FA2H: variants seen among roughly 807,000 people sequenced by gnomAD.
FA2H encodes the protein fatty acid alpha-hydroxylase.
In FA2H, 22 loss-of-function variants were observed where a neutral mutation model predicts 44.9. The observed-to-expected ratio is 0.49, with a 90% confidence interval of 0.35 to 0.70. The LOEUF (loss-of-function observed/expected upper bound fraction) is 0.70. Among genes scored for constraint, FA2H ranks in the 30% least tolerant of loss-of-function variants. The pLI, the probability that FA2H is intolerant of heterozygous loss-of-function variation, is 0.01. For synonymous variants in FA2H, 243 were observed against 213.2 expected (o/e 1.14, Z -1.22); for missense variants, 501 against 504.9 (o/e 0.99, Z 0.07).
At chr16:74,769,314 C>T (rs1196958442) in intron 1 of FA2H, among the ~76,000 whole-genome samples, 1 of 152,074 alleles carries the variant, frequency 6.6e-6, no homozygotes, top group Non-Finnish European at 1.5e-5. Context: ...CCAGGCTGGT[C>T]TCAAACTCCT....
At chr16:74,761,655 C>T (rs975405781) in intron 1 of FA2H, among the ~76,000 whole-genome samples, 1 of 152,182 alleles carries the variant, frequency 6.6e-6, no homozygotes, top group Admixed American at 6.5e-5. Context: ...GGCCCTTGCT[C>T]AAATACTGAC....
At chr16:74,752,421 C>T (rs1962543729) in intron 1 of FA2H, among the ~76,000 whole-genome samples, 1 of 152,166 alleles carries the variant, frequency 6.6e-6, no homozygotes, top group Non-Finnish European at 1.5e-5. Context: ...CCCCACCAGA[C>T]TCCATCCCTC....
intron 1 of FA2H, among the ~76,000 whole-genome samples, chr16:74,764,726 T>TAA (rs202030097): frequency 1.9e-4 from 27 of 144,372 alleles, no homozygotes; most frequent in African/African-American, 5.3e-4. Flanking sequence ...CTTAGAAGTT[T>TAA]AAAAAAAAAA....
At chr16:74,714,307 G>A (rs776138383) in intron 6 of FA2H, 38 bp from the exon 7 acceptor site, 13 of 1,349,324 alleles carry the variant, frequency 9.6e-6, no homozygotes, top group African/African-American at 1.4e-5. Flanking sequence ...ATGAGGCATT[G>A]AAGGAGCAGG....
At chr16:74,718,166 G>A (rs1045949459) in intron 5 of FA2H, among the ~76,000 whole-genome samples, 1 of 152,164 alleles carries the variant, frequency 6.6e-6, no homozygotes, top group Non-Finnish European at 1.5e-5. Flanking sequence ...GAGATGAACC[G>A]GATTAAGTTG....
chr16:74,727,565 C>T (rs1961985958), intron 2 of FA2H, among the ~76,000 whole-genome samples, 179 bp from the exon 3 acceptor site: 2 of 152,232 alleles, frequency 1.3e-5, no homozygotes, highest in South Asian at 4.1e-4. Flanking sequence ...ATCCCAGCCC[C>T]CAGCCACAGC....
At chr16:74,746,981 G>C (rs1962435892) in intron 1 of FA2H, among the ~76,000 whole-genome samples, 1 of 152,086 alleles carries the variant, frequency 6.6e-6, no homozygotes, top group Non-Finnish European at 1.5e-5. Context: ...GGTTGGACCT[G>C]GTTTTTCCCG....
At chr16:74,715,557 G>A (rs1265105278) in intron 6 of FA2H, among the ~76,000 whole-genome samples, 1 of 152,186 alleles carries the variant, frequency 6.6e-6, no homozygotes, top group Non-Finnish European at 1.5e-5. Flanking sequence ...CTCCTATAGT[G>A]CTGGGATTAT....
intron 1 of FA2H, among the ~76,000 whole-genome samples, chr16:74,745,216 G>A (rs1962396143): frequency 6.6e-6 from 1 of 152,160 alleles, no homozygotes; most frequent in African/African-American, 2.4e-5. Flanking sequence ...GGGGCACCTG[G>A]CTCTCCTGAT....
chr16:74,737,338 C>T (rs1962202003), intron 2 of FA2H, among the ~76,000 whole-genome samples: 1 of 152,194 alleles, frequency 6.6e-6, no homozygotes, highest in African/African-American at 2.4e-5. Flanking sequence ...AATCCACAAC[C>T]TGGCTTCTTG....
At chr16:74,722,842 C>G (rs1961869440) in intron 4 of FA2H, among the ~76,000 whole-genome samples, 1 of 145,066 alleles carries the variant, frequency 6.9e-6, no homozygotes, top group African/African-American at 2.6e-5. Context: ...ACCCGAGAGG[C>G]AGAGGTTGTG....
At chr16:74,742,963 T>C (rs1346509087) in intron 1 of FA2H, among the ~76,000 whole-genome samples, 3 of 152,202 alleles carry the variant, frequency 2.0e-5, no homozygotes, top group East Asian at 1.9e-4. Context: ...AGGAAGGCAG[T>C]TGGCAACTTT....
At position 74,745,799 on chromosome 16, in the gene FA2H, ATTTTTTTT is replaced by A. The variant is rs11365398; in HGVS notation, c.271-5692_271-5685del. ...GATGGTATCGAGTCACTGTCAATGG[ATTTTTTTT>A]TTTTTTTTTTTTTTTTGAGACAGAG... On this transcript the variant is annotated intron_variant, in intron 1 of 6. Transcript: ENST00000219368. Among the ~76,000 whole-genome samples the A allele has an allele frequency of 3.0e-3, 218 of 72,466 alleles. 2 individuals carry two copies. The highest frequency in any genetic ancestry group is 0.01 in the African/African-American group (205 of 19,974). 47.5% of individuals were successfully genotyped at this position (72,466 alleles called of 152,430 possible).
chr16:74,752,463 C>A (rs917815861), intron 1 of FA2H, among the ~76,000 whole-genome samples: 9 of 152,182 alleles, frequency 5.9e-5, no homozygotes, highest in Admixed American at 5.9e-4. Flanking sequence ...AGTCTCCTCT[C>A]GGTCCTGTCA....
At chr16:74,742,189 G>A (rs536819504) in intron 1 of FA2H, among the ~76,000 whole-genome samples, 12 of 152,292 alleles carry the variant, frequency 7.9e-5, no homozygotes, top group South Asian at 2.1e-4. Context: ...AGCAGCCAAC[G>A]TCTTCCAAGA....
intron 1 of FA2H, among the ~76,000 whole-genome samples, chr16:74,766,316 A>C (rs934475989): frequency 2.4e-4 from 36 of 152,148 alleles, no homozygotes; most frequent in Admixed American, 1.4e-3. Flanking sequence ...AATAAAAAAA[A>C]AAAAAAGTTA....
At chr16:74,719,226 C>G (rs1961778187) in intron 4 of FA2H, 66 bp from the exon 5 acceptor site, 2 of 1,438,504 alleles carry the variant, frequency 1.4e-6, no homozygotes, top group African/African-American at 1.4e-5. Flanking sequence ...CCAGGTGTCC[C>G]TGCCTCACCA....
chr16:74,727,275 C>G lies in FA2H; in HGVS notation c.475G>C (p.Asp159His). 1 of 1,614,146 alleles carries G rather than the reference C, an allele frequency of 6.2e-7. No individual in the cohort carries two copies. The highest frequency in any genetic ancestry group is 8.5e-7 in the Non-Finnish European group (1 of 1,180,022). ...VTRPIRLFHS[D>H]LIEGLSKTVW... Reference sequence around the variant, plus strand: ...GTCTTAGAGAGGCCCTCAATGAGGTCTGAGTGGAAGAGGCGGATGGGCCTG... The same window carrying G: ...GTCTTAGAGAGGCCCTCAATGAGGTGTGAGTGGAAGAGGCGGATGGGCCTG... Residue 159 changes from aspartate to histidine, a missense_variant, in exon 3 of 7, where the codon GAC becomes CAC. Asp to His is a moderately conservative substitution (Grantham distance 81, BLOSUM62 -1). Transcript: ENST00000219368.
intron 3 of FA2H, among the ~76,000 whole-genome samples, chr16:74,727,030 T>G (rs1961973922): frequency 6.6e-6 from 1 of 152,212 alleles, no homozygotes; most frequent in African/African-American, 2.4e-5. Context: ...GCATTCAATG[T>G]AGTTTCTGGC....
Sources: gnomAD v4.1 joint callset for allele counts (sites outside exome capture counted in the v4.1 genomes callset) on GRCh38, gnomAD v4.1.1 for gene constraint, MANE v1.5 for transcripts, NCBI Gene and HGNC (gene_info 2026-07-23, HGNC 2026-07-21) for gene names.